The following BIRC6 variants were observed in gnomAD, a reference collection of about 807,000 sequenced individuals.
The protein encoded by BIRC6 is dual E2 ubiquitin-conjugating enzyme/E3 ubiquitin-protein ligase BIRC6.
A neutral mutation model predicts 503.3 loss-of-function variants in BIRC6; 98 were observed. The ratio of observed to expected loss-of-function variants is 0.19; its 90% CI spans 0.17 to 0.23. The LOEUF (loss-of-function observed/expected upper bound fraction) is 0.23. Among genes scored for constraint, BIRC6 ranks in the 10% least tolerant of loss-of-function variants. The pLI is 1.00. For missense variants in BIRC6, 5,360 were observed against 5,806.0 expected (o/e 0.92, Z 2.50); for synonymous variants, 2,240 against 2,078.7 (o/e 1.08, Z -2.11).
intron 73 of BIRC6, among the ~76,000 whole-genome samples, chr2:32,613,591 G>A (rs907193920): frequency 2.0e-5 from 3 of 152,024 alleles, no homozygotes; most frequent in Non-Finnish European, 2.9e-5. Context: ...ATGTTGGCCA[G>A]GCTGGTCTCG....
intron 22 of BIRC6, among the ~76,000 whole-genome samples, chr2:32,453,594 G>A (rs533201217): frequency 4.6e-5 from 7 of 152,242 alleles, no homozygotes; most frequent in African/African-American, 1.7e-4. Context: ...GAGCTACTAA[G>A]TTGCTTTTAT....
chr2:32,371,499 C>T (rs528079023), intron 1 of BIRC6, among the ~76,000 whole-genome samples: 4 of 151,556 alleles, frequency 2.6e-5, no homozygotes, highest in East Asian at 4.0e-4. Context: ...CTCAGCCTTC[C>T]GAGCAGCTGG....
intron 9 of BIRC6, among the ~76,000 whole-genome samples, chr2:32,411,724 C>T (rs1460018798): frequency 6.6e-6 from 1 of 152,040 alleles, no homozygotes; most frequent in Non-Finnish European, 1.5e-5. Flanking sequence ...GTGATCTGGC[C>T]TGCCTTGGCC....
chr2:32,517,740 AT>A, intron 55 of BIRC6, among the ~76,000 whole-genome samples: 1 of 126,434 alleles, frequency 7.9e-6, no homozygotes, highest in Admixed American at 8.7e-5. Flanking sequence ...TGCCCAGCTT[AT>A]TTTTTTTTGG....
At chr2:32,498,393 A>G (rs1254943781) in intron 45 of BIRC6, among the ~76,000 whole-genome samples, 1 of 152,114 alleles carries the variant, frequency 6.6e-6, no homozygotes, top group Non-Finnish European at 1.5e-5. Flanking sequence ...TAGTTTTACA[A>G]GATATACCTT....
chr2:32,411,148 C>G (rs1345156638), intron 9 of BIRC6, among the ~76,000 whole-genome samples: 1 of 151,134 alleles, frequency 6.6e-6, no homozygotes, highest in East Asian at 2.0e-4. Context: ...AAACGATTCT[C>G]CTGCTTCACC....
At position 32,469,579 on chromosome 2, in the gene BIRC6, C is replaced by T. The variant is rs745649913; in HGVS notation, c.6312C>T (p.Tyr2104=). Residue 2104 remains tyrosine (Y), a synonymous_variant, in exon 30 of 74, where the codon TAC becomes TAT. Coordinates refer to ENST00000421745, the MANE Select transcript of BIRC6 (RefSeq NM_016252.4). ...QFLSNVLQEL[Y]NSEQLLIFPQ... ...TTTCTAATGTCCTTCAGGAATTGTACAATTCGGAACAGCTTCTCATCTTTC... is the reference window on the plus strand; with the variant it reads ...TTTCTAATGTCCTTCAGGAATTGTATAATTCGGAACAGCTTCTCATCTTTC... 2 of 1,613,630 alleles carry T rather than the reference C, an allele frequency of 1.2e-6. No individual in the cohort carries two copies. The highest frequency in any genetic ancestry group is 1.3e-5 in the African/African-American group (1 of 74,906).
intron 5 of BIRC6, among the ~76,000 whole-genome samples, chr2:32,394,658 C>A (rs2039652628): frequency 6.6e-6 from 1 of 151,946 alleles, no homozygotes; most frequent in Non-Finnish European, 1.5e-5. Flanking sequence ...GTAAGGAGAC[C>A]ATGTCTCTAC....
chr2:32,532,429 T>C (rs1331360649), intron 61 of BIRC6, among the ~76,000 whole-genome samples: 1 of 152,150 alleles, frequency 6.6e-6, no homozygotes, highest in Non-Finnish European at 1.5e-5. Context: ...TGAATCACTT[T>C]AATTTCTGCC....
intron 3 of BIRC6, 42 bp downstream of exon 3, chr2:32,380,332 A>G (rs2037438756): frequency 6.4e-7 from 1 of 1,552,404 alleles, no homozygotes; most frequent in Non-Finnish European, 8.6e-7. Flanking sequence ...TTATATTACA[A>G]TGGACACCTC....
intron 5 of BIRC6, 102 bp downstream of exon 5, chr2:32,392,252 C>T (rs2039323582): frequency 2.5e-6 from 2 of 798,340 alleles, no homozygotes; most frequent in Non-Finnish European, 4.0e-6. Context: ...ATTTTGTGCA[C>T]CTTGTATGCT....
chr2:32,531,334 T>G, intron 60 of BIRC6, 21 bp from the exon 61 acceptor site: 1 of 1,581,604 alleles, frequency 6.3e-7, no homozygotes, highest in Non-Finnish European at 8.6e-7. Flanking sequence ...CCTATTCAGT[T>G]ATTTGTAATT....
chr2:32,469,059 G>C (rs1168325238), intron 29 of BIRC6, among the ~76,000 whole-genome samples: 1 of 152,124 alleles, frequency 6.6e-6, no homozygotes, highest in Non-Finnish European at 1.5e-5. Flanking sequence ...AAGTTGAACA[G>C]TGAAACTTTT....
At position 32,380,168 on chromosome 2, in the gene BIRC6, T is replaced by A. The variant is rs772972655; in HGVS notation, c.523T>A (p.Ser175Thr). The A allele has an allele frequency of 6.4e-7, 1 of 1,554,498 alleles. No individual in the cohort carries two copies. The highest frequency in any genetic ancestry group is 2.3e-5 in the East Asian group (1 of 43,074). ...TTTTATTTAGGCACAGCAGCTCTTA[T>A]CAGCATGTTTAGAAAAGGTAGATAT... ...LPVTEAQQLL[S>T]ACLEKVDISS... Residue 175 changes from serine (S) to threonine (T), a missense_variant, in exon 3 of 74, where the codon TCA becomes ACA. Physicochemically the swap from Ser to Thr is moderately conservative, Grantham distance 58. Coordinates refer to ENST00000421745, the MANE Select transcript of BIRC6 (RefSeq NM_016252.4).
At chr2:32,461,003 T>C (rs867189905) in intron 23 of BIRC6, among the ~76,000 whole-genome samples, 100 of 21,478 alleles carry the variant, frequency 4.7e-3, no homozygotes, top group Admixed American at 9.7e-3. Context: ...CTCTGCTCTC[T>C]TCTCTTCTCT....
In BIRC6 at chr2:32,443,478, A is replaced by T. The variant is rs1453470444; in HGVS notation, c.4239-13A>T. 3 of 1,575,234 alleles carry T rather than the reference A, an allele frequency of 1.9e-6. No individual in the cohort carries two copies. In the African/African-American group the frequency reaches 4.1e-5, roughly 21 times the overall value. Reference sequence around the variant, plus strand: ...TAATGTCTTTACAATTTTTCTTTTTAAAAATTTTTCAGTAATGGCAAATGT... The same window carrying T: ...TAATGTCTTTACAATTTTTCTTTTTTAAAATTTTTCAGTAATGGCAAATGT... On this transcript the variant is annotated splice_polypyrimidine_tract_variant and intron_variant, in intron 19 of 73. Coordinates refer to ENST00000421745, the MANE Select transcript of BIRC6 (RefSeq NM_016252.4).
rs1178499716 is a variant in BIRC6 at position 32,531,564 on chromosome 2, T to A, written c.12291+13T>A. 4 of 1,593,364 alleles carry A rather than the reference T, an allele frequency of 2.5e-6. No individual in the cohort carries two copies. Among genetic ancestry groups the A allele is most frequent in the Non-Finnish European group, 3.4e-6 (4 of 1,167,432 alleles). On this transcript the variant is annotated intron_variant, in intron 61 of 73. Coordinates refer to ENST00000421745, the MANE Select transcript of BIRC6 (RefSeq NM_016252.4). ...AGTAATTCAACAGGTAAGATAAGAT[T>A]TCCTAATCGAGTATATCATTCCATA... is the stretch of plus-strand genomic sequence containing the variant.
In BIRC6 at chr2:32,369,062, G is replaced by C. The variant is rs138333793; in HGVS notation, c.326-8526G>C. Among the ~76,000 whole-genome samples, 92 of 152,304 alleles carry C rather than the reference G, an allele frequency of 6.0e-4. 1 individual carries two copies. Among genetic ancestry groups the C allele is most frequent in the Non-Finnish European group, 1.1e-3 (78 of 68,012 alleles). ...TGTGCTTTTAGGTAGTCTTGGGAAG[G>C]CCTCTTTGAGGTGGTGTTTGAGTAA... On this transcript the variant is annotated intron_variant, in intron 1 of 73. Coordinates refer to ENST00000421745, the MANE Select transcript of BIRC6 (RefSeq NM_016252.4).
intron 45 of BIRC6, among the ~76,000 whole-genome samples, chr2:32,494,503 GGT>G (rs1292082190): frequency 6.6e-6 from 1 of 151,976 alleles, no homozygotes; most frequent in Non-Finnish European, 1.5e-5. Context: ...TGGGATTACA[GGT>G]GTGAGCCACT....
Sources: gnomAD v4.1 joint callset for allele counts (sites outside exome capture counted in the v4.1 genomes callset) on GRCh38, gnomAD v4.1.1 for gene constraint, MANE v1.5 for transcripts, NCBI Gene and HGNC (gene_info 2026-07-23, HGNC 2026-07-21) for gene names.